The following ATG12 variants were observed in gnomAD, a reference collection of about 807,000 sequenced individuals.
ATG12 encodes the protein autophagy related 12, also known as ubiquitin-like protein ATG12.
Under a neutral mutation model 17.6 loss-of-function variants are expected in ATG12, and 19 were observed. The ratio of observed to expected loss-of-function variants is 1.08; its 90% CI spans 0.75 to 1.58. ATG12 has a LOEUF of 1.58. Ranked by LOEUF, ATG12 falls within the 40% of genes most tolerant of loss-of-function variation. The pLI is 0.00. For missense variants in ATG12, 214 were observed against 162.0 expected (o/e 1.32, Z -1.74); for synonymous variants, 75 against 62.4 (o/e 1.20, Z -0.95).
At position 115,841,497 on chromosome 5, in the gene ATG12, C is replaced by T. The variant is rs1424487670; in HGVS notation, c.56G>A (p.Gly19Glu). 1.2e-6 allele frequency: 2 copies of T among 1,611,832 alleles called. No individual in the cohort carries two copies. Among genetic ancestry groups the T allele is most frequent in the African/African-American group, 2.7e-5 (2 of 74,596 alleles). ...LQLPTSIAAG[G>E]EGLTDVSPET... ...TGGGGAGACATCCGTAAGTCCTTCCCCTCCAGCAGCAATTGAAGTAGGAAG... is the reference window on the plus strand; with the variant it reads ...TGGGGAGACATCCGTAAGTCCTTCCTCTCCAGCAGCAATTGAAGTAGGAAG... Residue 19 changes from glycine (G) to glutamate (E), a missense_variant, in exon 1 of 4, where the codon GGG becomes GAG. Coordinates refer to ENST00000509910, the MANE Select transcript of ATG12 (RefSeq NM_004707.4).
intron 2 of ATG12, chr5:115,833,625 T>C (rs1019703120): frequency 2.0e-5 from 3 of 152,174 alleles, no homozygotes; most frequent in South Asian, 4.1e-4. Context: ...AATGAGATAA[T>C]ACACTAACTT....
chr5:115,841,504 C>T lies in ATG12; in HGVS notation c.49G>A (p.Ala17Thr), dbSNP rs1561458062. The T allele has an allele frequency of 6.2e-7, 1 of 1,612,384 alleles. No individual in the cohort carries two copies. Among genetic ancestry groups the T allele is most frequent in the Non-Finnish European group, 8.5e-7 (1 of 1,179,452 alleles). Residue 17 changes from alanine to threonine, a missense_variant, in exon 1 of 4, where the codon GCT becomes ACT. Transcript: ENST00000509910. Reference protein sequence around the residue: ...SVLQLPTSIAAGGEGLTDVSP... With the variant: ...SVLQLPTSIATGGEGLTDVSP... ...ACATCCGTAAGTCCTTCCCCTCCAG[C>T]AGCAATTGAAGTAGGAAGCTGCAAC...
chr5:115,828,439 A>G lies in ATG12; in HGVS notation c.*3365T>C, dbSNP rs567455906. ...ATGTACATTATTTTTATTGTCAGTC[A>G]GCATTGTTTTTATTTGTATTTTTTG... On this transcript the variant is annotated 3_prime_UTR_variant, in exon 4 of 4. Coordinates refer to ENST00000509910, the MANE Select transcript of ATG12 (RefSeq NM_004707.4). 6.6e-6 allele frequency: 1 copy of G among 152,190 alleles called. No homozygotes were observed. The highest frequency in any genetic ancestry group is 1.5e-5 in the Non-Finnish European group (1 of 68,014). The allele number at this position is 152,190 out of a possible 1,614,324, so 9.4% of individuals were successfully genotyped here.
chr5:115,837,150 TA>T (rs754696558), intron 2 of ATG12, among the ~76,000 whole-genome samples: 14 of 152,054 alleles, frequency 9.2e-5, no homozygotes, highest in Non-Finnish European at 1.8e-4. Context: ...AGGCAAAAAA[TA>T]AATACATAAA....
chr5:115,832,477 T>A (rs1173519342), intron 3 of ATG12, 125 bp downstream of exon 3: 28 of 1,134,546 alleles, frequency 2.5e-5, no homozygotes, highest in Non-Finnish European at 3.1e-5. Flanking sequence ...GCATGCCATC[T>A]CTTGAAATAA....
rs1170810601 is a variant in ATG12 at position 115,837,674 on chromosome 5, A to G, written c.254T>C (p.Ile85Thr). 5 of 1,613,114 alleles carry G rather than the reference A, an allele frequency of 3.1e-6. No individual in the cohort carries two copies. The highest frequency in any genetic ancestry group is 2.2e-5 in the East Asian group (1 of 44,872). The change falls in exon 2 of 4, where the codon ATT (isoleucine) becomes ACT (threonine). Residue 85 changes from isoleucine to threonine, a missense_variant. Coordinates refer to ENST00000509910, the MANE Select transcript of ATG12 (RefSeq NM_004707.4). ...VERTRTIQGL[I>T]DFIKKFLKLV... ...TTTAAGAAACTTTTTGATGAAGTCA[A>G]TGAGTCCTTGGATGGTTCGTGTTCG...
At position 115,831,550 on chromosome 5, in the gene ATG12, CAAT is replaced by C; in HGVS notation, c.*251_*253del. ...TTCAACCTTGGAGGCAGATCTGCAG[CAAT>C]AATAGTAACAAGTAGGAGCAATGGG... On this transcript the variant is annotated 3_prime_UTR_variant, in exon 4 of 4. Coordinates refer to ENST00000509910, the MANE Select transcript of ATG12 (RefSeq NM_004707.4). 1 of 543,814 alleles carries C rather than the reference CAAT, an allele frequency of 1.8e-6. No individual in the cohort carries two copies. Among genetic ancestry groups the C allele is most frequent in the South Asian group, 2.3e-5 (1 of 42,690 alleles). 33.7% of individuals were successfully genotyped at this position (543,814 alleles called of 1,614,324 possible).
Position 115,841,471 on chromosome 5 carries a change from C to T in ATG12, c.82G>A (p.Glu28Lys). The T allele has an allele frequency of 6.2e-7, 1 of 1,611,430 alleles. No homozygotes were observed. The highest frequency in any genetic ancestry group is 8.5e-7 in the Non-Finnish European group (1 of 1,179,334). ...GGEGLTDVSP[E>K]TTTPEPPSSA... ...GACGGGGGCTCCGGGGTGGTTGTTTCTGGGGAGACATCCGTAAGTCCTTCC... is the reference window on the plus strand; with the variant it reads ...GACGGGGGCTCCGGGGTGGTTGTTTTTGGGGAGACATCCGTAAGTCCTTCC... Residue 28 changes from glutamate to lysine, a missense_variant, in exon 1 of 4, where the codon GAA becomes AAA. Coordinates refer to ENST00000509910, the MANE Select transcript of ATG12 (RefSeq NM_004707.4).
chr5:115,841,069 C>G, intron 1 of ATG12: 1 of 399,738 alleles, frequency 2.5e-6, no homozygotes, highest in Non-Finnish European at 4.6e-6. Context: ...CCTGGAATTA[C>G]CGAGACCCCC....
rs1760780512 is a variant in ATG12 at position 115,829,596 on chromosome 5, TATTTAGTC to T, written c.*2200_*2207del. ...GATGAAGCATGATATTAATGACATC[TATTTAGTC>T]ACAAAGAAAATTTAAAATATCACCT... On this transcript the variant is annotated 3_prime_UTR_variant, in exon 4 of 4. Coordinates refer to ENST00000509910, the MANE Select transcript of ATG12 (RefSeq NM_004707.4). The T allele has an allele frequency of 6.6e-6, 1 of 152,216 alleles. No individual in the cohort carries two copies. The highest frequency in any genetic ancestry group is 2.4e-5 in the African/African-American group (1 of 41,454). 9.4% of individuals were successfully genotyped at this position (152,216 alleles called of 1,614,324 possible). A position where few individuals can be genotyped will look rare whatever the true frequency, so the allele number is the denominator to read the frequency against.
intron 1 of ATG12, among the ~76,000 whole-genome samples, chr5:115,840,010 CT>C (rs1761282447): frequency 6.6e-6 from 1 of 152,138 alleles, no homozygotes; most frequent in Non-Finnish European, 1.5e-5. Context: ...TTTTGCACAG[CT>C]ATCATCAGAG....
At chr5:115,835,228 G>A (rs1761043834) in intron 2 of ATG12, 1 of 152,052 alleles carries the variant, frequency 6.6e-6, no homozygotes, top group African/African-American at 2.4e-5. Context: ...TTGTCTTATA[G>A]GTGTATATTT....
chr5:115,834,180 G>C (rs552722272), intron 2 of ATG12: 11 of 152,220 alleles, frequency 7.2e-5, no homozygotes, highest in Admixed American at 2.6e-4. Flanking sequence ...AGGAGACAAA[G>C]AGTAAGATGG....
At position 115,830,271 on chromosome 5, in the gene ATG12, T is replaced by C. The variant is rs886953323; in HGVS notation, c.*1533A>G. On this transcript the variant is annotated 3_prime_UTR_variant, in exon 4 of 4. Transcript: ENST00000509910. Reference sequence around the variant, plus strand: ...AGGTCAAAAAGAATAACTAAATGGATGCTACAAATTTCAACCAGTATTTTC... The same window carrying C: ...AGGTCAAAAAGAATAACTAAATGGACGCTACAAATTTCAACCAGTATTTTC... 2.3e-5 allele frequency: 3 copies of C among 129,720 alleles called. No homozygotes were observed. The highest frequency in any genetic ancestry group is 1.1e-4 in the African/African-American group (3 of 27,274). 8.0% of individuals were successfully genotyped at this position (129,720 alleles called of 1,614,324 possible). A position where few individuals can be genotyped will look rare whatever the true frequency, so the allele number is the denominator to read the frequency against.
In ATG12 at chr5:115,831,676, CAT is replaced by C; in HGVS notation, c.*126_*127del. The C allele has an allele frequency of 4.8e-6, 4 of 836,294 alleles. No individual in the cohort carries two copies. The allele number at this position is 836,294 out of a possible 1,614,324, so 51.8% of individuals were successfully genotyped here. ...CTATGGATGTTTTCTTATGCATAAA[CAT>C]AGAGTAGACACATACTAAATAGATC... On this transcript the variant is annotated 3_prime_UTR_variant, in exon 4 of 4. Transcript: ENST00000509910.
chr5:115,837,479 A>C, intron 2 of ATG12, 149 bp downstream of exon 2: 2 of 857,122 alleles, frequency 2.3e-6, no homozygotes, highest in Non-Finnish European at 3.5e-6. Context: ...CAAAAAAAAA[A>C]AATGAATAAA....
intron 1 of ATG12, 153 bp from the exon 2 acceptor site, chr5:115,837,917 T>C: frequency 1.5e-6 from 1 of 646,140 alleles, no homozygotes. Flanking sequence ...AATGTTAGAT[T>C]CTTTTCCATC....
chr5:115,832,537 T>A, intron 3 of ATG12, 65 bp downstream of exon 3: 1 of 1,428,718 alleles, frequency 7.0e-7, no homozygotes, highest in Non-Finnish European at 9.2e-7. Flanking sequence ...CAGATGTGCA[T>A]ACTCGATTAA....
chr5:115,838,298 C>G (rs1455091452), intron 1 of ATG12: 1 of 152,172 alleles, frequency 6.6e-6, no homozygotes, highest in African/African-American at 2.4e-5. Flanking sequence ...TCCATTTAAG[C>G]ATTTATTTTT....
Sources: allele counts gnomAD v4.1 joint callset (sites outside exome capture counted in the v4.1 genomes callset), GRCh38; gene constraint gnomAD v4.1.1; transcripts MANE v1.5; gene names NCBI Gene and HGNC (gene_info 2026-07-23, HGNC 2026-07-21).